CDH20: variants seen among roughly 807,000 people sequenced by gnomAD.
The protein encoded by CDH20 is cadherin 20.
A neutral mutation model predicts 74.2 loss-of-function variants in CDH20; 29 were observed. The ratio of observed to expected loss-of-function variants is 0.39; its 90% CI spans 0.29 to 0.53. CDH20 has a LOEUF of 0.53. Among genes scored for constraint, CDH20 ranks in the 20% least tolerant of loss-of-function variants. The pLI, the probability that CDH20 is intolerant of heterozygous loss-of-function variation, is 0.69. For missense variants in CDH20, 988 were observed against 1,048.3 expected (o/e 0.94, Z 0.79); for synonymous variants, 469 against 405.4 (o/e 1.16, Z -1.88).
At chr18:61,401,181 T>A (rs1912141370) in intron 1 of CDH20, among the ~76,000 whole-genome samples, 1 of 152,258 alleles carries the variant, frequency 6.6e-6, no homozygotes, top group Non-Finnish European at 1.5e-5. Context: ...CAAACTCATC[T>A]GCCAATATTT....
chr18:61,531,489 T>A (rs1912637646), intron 7 of CDH20, among the ~76,000 whole-genome samples: 1 of 152,200 alleles, frequency 6.6e-6, no homozygotes, highest in Non-Finnish European at 1.5e-5. Context: ...TTTTTTTATT[T>A]TATATTAGAG....
At chr18:61,515,984 C>T (rs936642748) in intron 6 of CDH20, among the ~76,000 whole-genome samples, 31 of 152,066 alleles carry the variant, frequency 2.0e-4, no homozygotes, top group Non-Finnish European at 1.9e-4. Flanking sequence ...ATGTGCAGTA[C>T]CAACAATGTG....
At chr18:61,347,321 C>G (rs2023150) in intron 1 of CDH20, among the ~76,000 whole-genome samples, 1 of 26,436 alleles carries the variant, frequency 3.8e-5, no homozygotes, top group African/African-American at 1.0e-4. Flanking sequence ...TATATATATA[C>G]ACACACACAC....
intron 6 of CDH20, among the ~76,000 whole-genome samples, chr18:61,523,915 G>T (rs1470367140): frequency 2.0e-5 from 3 of 152,130 alleles, no homozygotes; most frequent in African/African-American, 7.2e-5. Flanking sequence ...CCTGTCAGGG[G>T]TCGGGGGCTA....
At chr18:61,430,625 C>A (rs1374322456) in intron 1 of CDH20, among the ~76,000 whole-genome samples, 1 of 152,092 alleles carries the variant, frequency 6.6e-6, no homozygotes, top group African/African-American at 2.4e-5. Context: ...CCCTTCTCTG[C>A]CATTTAATTA....
chr18:61,371,850 G>C (rs778136988), intron 1 of CDH20, among the ~76,000 whole-genome samples: 1 of 152,046 alleles, frequency 6.6e-6, no homozygotes, highest in Non-Finnish European at 1.5e-5. Context: ...ATCTCTTATA[G>C]ATGACTCCAG....
intron 5 of CDH20, among the ~76,000 whole-genome samples, chr18:61,503,520 G>A (rs887320947): frequency 1.3e-5 from 2 of 152,094 alleles, no homozygotes; most frequent in South Asian, 4.1e-4. Context: ...TGCCCCCAGG[G>A]GGCCATATTG....
At chr18:61,383,830 A>G (rs998379915) in intron 1 of CDH20, among the ~76,000 whole-genome samples, 1 of 152,164 alleles carries the variant, frequency 6.6e-6, no homozygotes, top group South Asian at 2.1e-4. Flanking sequence ...GAGCACAGCC[A>G]TGGTGAGGCT....
At chr18:61,391,809 A>AT (rs1911792587) in intron 1 of CDH20, 1 of 152,048 alleles carries the variant, frequency 6.6e-6, no homozygotes, top group African/African-American at 2.4e-5. Flanking sequence ...TCAGGCAAAA[A>AT]TTTTAAAAAA....
intron 1 of CDH20, among the ~76,000 whole-genome samples, chr18:61,374,561 A>G (rs1045203707): frequency 3.9e-5 from 6 of 152,168 alleles, no homozygotes; most frequent in African/African-American, 1.4e-4. Context: ...TTTTCAAAAC[A>G]TTAGGATGAG....
chr18:61,458,658 G>A (rs1317663779), intron 1 of CDH20, among the ~76,000 whole-genome samples: 1 of 152,290 alleles, frequency 6.6e-6, no homozygotes, highest in African/African-American at 2.4e-5. Context: ...ACGCTAAAGG[G>A]CCCTATAGGC....
At chr18:61,423,076 T>C (rs1912941525) in intron 1 of CDH20, among the ~76,000 whole-genome samples, 2 of 152,234 alleles carry the variant, frequency 1.3e-5, no homozygotes, top group Non-Finnish European at 2.9e-5. Context: ...TTTCTGTTCT[T>C]TTTATCAAGA....
intron 1 of CDH20, among the ~76,000 whole-genome samples, chr18:61,361,197 G>C (rs1306427957): frequency 6.6e-6 from 1 of 152,130 alleles, no homozygotes; most frequent in African/African-American, 2.4e-5. Flanking sequence ...CTGTAGGTTC[G>C]CTGCGTGGTG....
In CDH20 at chr18:61,528,824, T is replaced by A. The variant is rs146632280; in HGVS notation, c.1271+604T>A. Among the ~76,000 whole-genome samples the A allele has an allele frequency of 3.1e-3, 477 of 152,266 alleles. 2 individuals are homozygous for A. Among genetic ancestry groups the A allele is most frequent in the Admixed American group, 7.9e-3 (121 of 15,294 alleles). ...CATCTTTTATGAATCTTTGACATGT[T>A]TTACTTTTTAAAACTGGGGAAAACA... On this transcript the variant is annotated intron_variant, in intron 7 of 11. Coordinates refer to ENST00000262717, the MANE Select transcript of CDH20 (RefSeq NM_031891.4).
At chr18:61,472,326 G>A (rs868450900) in intron 1 of CDH20, among the ~76,000 whole-genome samples, 31 of 151,910 alleles carry the variant, frequency 2.0e-4, no homozygotes, top group African/African-American at 6.0e-4. Flanking sequence ...CACGGCATAG[G>A]CAGCAGGGGA....
At chr18:61,472,152 C>T (rs2144382975) in intron 1 of CDH20, among the ~76,000 whole-genome samples, 1 of 152,198 alleles carries the variant, frequency 6.6e-6, no homozygotes, top group Non-Finnish European at 1.5e-5. Context: ...GCTCCCCTTC[C>T]TTGTATACCA....
chr18:61,371,625 A>G (rs1229836204), intron 1 of CDH20, among the ~76,000 whole-genome samples: 1 of 152,144 alleles, frequency 6.6e-6, no homozygotes, highest in Non-Finnish European at 1.5e-5. Context: ...TCACTACACA[A>G]TAATGACTGA....
intron 1 of CDH20, among the ~76,000 whole-genome samples, chr18:61,336,680 T>G (rs1909769712): frequency 6.6e-6 from 1 of 152,152 alleles, no homozygotes; most frequent in Admixed American, 6.5e-5. Context: ...TAGTGAGCAC[T>G]GTTTGGCCAA....
intron 6 of CDH20, among the ~76,000 whole-genome samples, chr18:61,522,436 A>T (rs566372430): frequency 7.9e-5 from 12 of 152,336 alleles, no homozygotes; most frequent in African/African-American, 2.9e-4. Flanking sequence ...AAATGAAAAA[A>T]CATTCCATGC....
Sources: gnomAD v4.1 joint callset for allele counts (sites outside exome capture counted in the v4.1 genomes callset) on GRCh38, gnomAD v4.1.1 for gene constraint, MANE v1.5 for transcripts, NCBI Gene and HGNC (gene_info 2026-07-23, HGNC 2026-07-21) for gene names.